PPT1: variants seen among roughly 807,000 people sequenced by gnomAD.
PPT1 encodes the protein ceroid-palmitoyl-palmitoyl-protein thioesterase 1.
PPT1 carries 24 observed loss-of-function variants against 44.0 expected under a neutral mutation model. The ratio of observed to expected loss-of-function variants is 0.54; its 90% CI spans 0.39 to 0.77. The LOEUF (loss-of-function observed/expected upper bound fraction) is 0.77, where lower values mean the gene tolerates loss of function less well. Among genes scored for constraint, PPT1 ranks in the 30% least tolerant of loss-of-function variants. The pLI is 0.00. For synonymous variants in PPT1, 148 were observed against 140.2 expected (o/e 1.06, Z -0.39); for missense variants, 341 against 378.8 (o/e 0.90, Z 0.83).
intron 5 of PPT1, 23 bp downstream of exon 5, chr1:40,089,387 T>C (rs1340555337): frequency 6.3e-7 from 1 of 1,587,240 alleles, no homozygotes; most frequent in Admixed American, 1.7e-5. Context: ...AGGTCTGTAA[T>C]CTTTTCAGCT....
chr1:40,088,457 G>A (rs1649379928), intron 5 of PPT1, among the ~76,000 whole-genome samples: 1 of 151,994 alleles, frequency 6.6e-6, no homozygotes, highest in African/African-American at 2.4e-5. Context: ...CAACTTCTAA[G>A]GATAAAGCCC....
chr1:40,071,898 T>C (rs956828711), downstream of PPT1: 7 of 423,288 alleles, frequency 1.7e-5, no homozygotes, highest in Middle Eastern at 5.9e-4. Flanking sequence ...CAGATCAGAA[T>C]GTTCACACTG....
rs540575192 is a variant in PPT1 at position 40,078,927 on chromosome 1, G to T, written c.628-269C>A. ...ATATTGTGTGATGCTGAGGTTTGGG[G>T]TTCTGTTGATCCTTTCACCCAGATA... On this transcript the variant is annotated intron_variant, in intron 6 of 8. Coordinates refer to ENST00000642050, the MANE Select transcript of PPT1 (RefSeq NM_000310.4). 5 of 429,518 alleles carry T rather than the reference G, an allele frequency of 1.2e-5. No homozygotes were observed. In the Admixed American group the frequency reaches 1.3e-4, roughly 11 times the overall value. 26.6% of individuals were successfully genotyped at this position (429,518 alleles called of 1,614,324 possible).
At chr1:40,084,080 T>C (rs2124478373) in intron 5 of PPT1, among the ~76,000 whole-genome samples, 2 of 152,102 alleles carry the variant, frequency 1.3e-5, no homozygotes, top group Middle Eastern at 3.4e-3. Flanking sequence ...AATTCATGAT[T>C]CACGGGAAGA....
At chr1:40,079,239 T>C (rs1648795676) in intron 6 of PPT1, among the ~76,000 whole-genome samples, 1 of 152,204 alleles carries the variant, frequency 6.6e-6, no homozygotes, top group Non-Finnish European at 1.5e-5. Flanking sequence ...CTATCCAGTC[T>C]ACCGCTGATG....
intron 3 of PPT1, among the ~76,000 whole-genome samples, chr1:40,091,742 A>G (rs1390909260): frequency 6.6e-6 from 1 of 151,766 alleles, no homozygotes; most frequent in Non-Finnish European, 1.5e-5. Context: ...GTGAGCACCT[A>G]TAGTCCCAGC....
chr1:40,074,343 C>A (rs1271834414), intron 8 of PPT1, among the ~76,000 whole-genome samples, 160 bp from the exon 9 acceptor site: 1 of 151,984 alleles, frequency 6.6e-6, no homozygotes, highest in African/African-American at 2.4e-5. Context: ...TCTCCTACTT[C>A]TTTTTCTTTC....
At chr1:40,094,199 C>T (rs147536383) in intron 1 of PPT1, among the ~76,000 whole-genome samples, 124 of 152,292 alleles carry the variant, frequency 8.1e-4, no homozygotes, top group African/African-American at 2.8e-3. Context: ...TCTAGGACAG[C>T]GGTCTTCAAC....
intron 5 of PPT1, among the ~76,000 whole-genome samples, chr1:40,082,721 G>T (rs917231875): frequency 6.6e-6 from 1 of 152,370 alleles, no homozygotes; most frequent in Non-Finnish European, 1.5e-5. Flanking sequence ...AGGAGTGCAA[G>T]ATGGGGCAGC....
chr1:40,096,572 T>C (rs970092525), intron 1 of PPT1, among the ~76,000 whole-genome samples: 8 of 151,876 alleles, frequency 5.3e-5, no homozygotes, highest in African/African-American at 1.9e-4. Flanking sequence ...GTGTATAAGG[T>C]GTATATGAAA....
intron 5 of PPT1, among the ~76,000 whole-genome samples, chr1:40,087,364 T>G (rs1263373052): frequency 6.6e-6 from 1 of 151,934 alleles, no homozygotes; most frequent in African/African-American, 2.4e-5. Flanking sequence ...AGCCTCAGCC[T>G]CCGGAGTGGC....
chr1:40,076,848 G>A lies in PPT1; in HGVS notation c.792C>T (p.Tyr264=), dbSNP rs907441176. Residue 264 remains tyrosine, a synonymous_variant, in exon 8 of 9, where the codon TAC becomes TAT. Coordinates refer to ENST00000642050, the MANE Select transcript of PPT1 (RefSeq NM_000310.4). ...ETIPLQETSL[Y]TQDRLGLKEM... ...TAGACTCCCTGCCAGTTACCTGTGT[G>A]TACAGGGAGGTCTCCTGTAAGGGAA... 6.2e-7 allele frequency: 1 copy of A among 1,614,134 alleles called. No individual in the cohort carries two copies. The highest frequency in any genetic ancestry group is 8.5e-7 in the Non-Finnish European group (1 of 1,179,966).
intron 7 of PPT1, among the ~76,000 whole-genome samples, chr1:40,077,206 T>C (rs1648674015): frequency 6.6e-6 from 1 of 152,234 alleles, no homozygotes; most frequent in South Asian, 2.1e-4. Context: ...CATTCAAGGA[T>C]GAATACATAA....
rs558608604 is a variant in PPT1, at chr1:40,078,820, C to T, written c.628-162G>A. ...TCCTGACCAGGATATACCTGTACAG[C>T]TTTTTTTTTTCTTTTTTTCTAAAAA... On this transcript the variant is annotated intron_variant, in intron 6 of 8. Coordinates refer to ENST00000642050, the MANE Select transcript of PPT1 (RefSeq NM_000310.4). 501 of 632,542 alleles carry T rather than the reference C, an allele frequency of 7.9e-4. 1 individual carries two copies. Among genetic ancestry groups the T allele is most frequent in the Middle Eastern group, 2.6e-3 (10 of 3,850 alleles). The allele number at this position is 632,542 out of a possible 1,614,324, so 39.2% of individuals were successfully genotyped here.
At chr1:40,092,600 G>A in intron 1 of PPT1, 93 bp from the exon 2 acceptor site, 1 of 1,008,826 alleles carries the variant, frequency 9.9e-7, no homozygotes, top group South Asian at 1.3e-5. Context: ...TATCAAGGAT[G>A]TGAAAACAAT....
intron 3 of PPT1, among the ~76,000 whole-genome samples, 175 bp from the exon 4 acceptor site, chr1:40,091,574 T>C (rs1421873698): frequency 2.0e-5 from 3 of 152,104 alleles, no homozygotes; most frequent in African/African-American, 7.2e-5. Context: ...GAAAATAAAT[T>C]AAGCTCCAGC....
At chr1:40,086,395 G>A (rs1570463800) in intron 5 of PPT1, among the ~76,000 whole-genome samples, 2 of 152,232 alleles carry the variant, frequency 1.3e-5, no homozygotes, top group South Asian at 2.1e-4. Context: ...ACCATGCCAA[G>A]CCGGGGGCTT....
chr1:40,076,380 G>A (rs1440259301), intron 8 of PPT1, among the ~76,000 whole-genome samples: 1 of 152,012 alleles, frequency 6.6e-6, no homozygotes, highest in African/African-American at 2.4e-5. Context: ...CAGGAGAATT[G>A]CTTGAATCTG....
intron 5 of PPT1, among the ~76,000 whole-genome samples, chr1:40,082,880 G>C (rs1356825859): frequency 6.6e-6 from 1 of 152,202 alleles, no homozygotes; most frequent in Non-Finnish European, 1.5e-5. Context: ...CACAGCTATA[G>C]AGGAGAAGTC....
Sources: allele counts gnomAD v4.1 joint callset (sites outside exome capture counted in the v4.1 genomes callset), GRCh38; gene constraint gnomAD v4.1.1; transcripts MANE v1.5; gene names NCBI Gene and HGNC (gene_info 2026-07-23, HGNC 2026-07-21).